The following AREL1 variants were observed in gnomAD, a reference collection of about 807,000 sequenced individuals.
AREL1 encodes the protein apoptosis-resistant E3 ubiquitin protein ligase 1.
In AREL1, 62 loss-of-function variants were observed where a neutral mutation model predicts 99.0. The observed-to-expected ratio is 0.63, with a 90% CI of 0.51 to 0.77. AREL1 has a LOEUF of 0.77. AREL1 is among the 30% of genes least tolerant of loss of function. The pLI, the probability that AREL1 is intolerant of heterozygous loss-of-function variation, is 0.00. For synonymous variants in AREL1, 380 were observed against 376.5 expected (o/e 1.01, Z -0.11); for missense variants, 879 against 1,027.6 (o/e 0.86, Z 1.98).
At chr14:74,679,723 G>A (rs1229039770) in intron 5 of AREL1, among the ~76,000 whole-genome samples, 1 of 152,124 alleles carries the variant, frequency 6.6e-6, no homozygotes, top group Non-Finnish European at 1.5e-5. Flanking sequence ...AGCTACTTGG[G>A]AGGCTGAGGC....
intron 5 of AREL1, 118 bp from the exon 6 acceptor site, chr14:74,676,870 C>G (rs527869086): frequency 6.2e-6 from 5 of 808,500 alleles, no homozygotes; most frequent in South Asian, 2.9e-5. Flanking sequence ...AATCTCGGCT[C>G]ACTGCAAGCT....
intron 1 of AREL1, chr14:74,711,905 C>T (rs191507417): frequency 6.6e-6 from 1 of 151,964 alleles, no homozygotes; most frequent in Non-Finnish European, 1.5e-5. Context: ...ATACAATGGT[C>T]ACCTTCTTTT....
intron 4 of AREL1, 62 bp from the exon 5 acceptor site, chr14:74,683,595 G>C (rs2089683091): frequency 2.7e-6 from 4 of 1,484,966 alleles, no homozygotes; most frequent in Non-Finnish European, 1.9e-6. Flanking sequence ...TTCCTGTGTA[G>C]AGTGAGTGGG....
chr14:74,700,622 C>CA (rs911857767), intron 1 of AREL1, among the ~76,000 whole-genome samples: 11 of 151,782 alleles, frequency 7.2e-5, no homozygotes, highest in Middle Eastern at 3.4e-3. Flanking sequence ...ACTAAATATA[C>CA]AAAAAAAATT....
chr14:74,667,264 T>C, intron 17 of AREL1, 55 bp downstream of exon 17: 6 of 1,607,516 alleles, frequency 3.7e-6, no homozygotes, highest in Non-Finnish European at 5.1e-6. Flanking sequence ...AGCTGGTTCC[T>C]GTAAGCTACA....
At chr14:74,709,846 C>T (rs967743693) in intron 1 of AREL1, among the ~76,000 whole-genome samples, 1 of 152,194 alleles carries the variant, frequency 6.6e-6, no homozygotes, top group Non-Finnish European at 1.5e-5. Context: ...AGGAGTCTTT[C>T]ATTATCCAGA....
At chr14:74,665,275 T>C (rs1243816871) in intron 17 of AREL1, among the ~76,000 whole-genome samples, 5 of 150,212 alleles carry the variant, frequency 3.3e-5, no homozygotes, top group South Asian at 2.1e-4. Context: ...CTTTTCTTTT[T>C]TTTTTTTTTT....
chr14:74,701,858 G>T (rs541712058), intron 1 of AREL1: 1 of 152,364 alleles, frequency 6.6e-6, no homozygotes, highest in Non-Finnish European at 1.5e-5. Flanking sequence ...CCAAATGGGA[G>T]AAATTGGCCA....
intron 2 of AREL1, among the ~76,000 whole-genome samples, chr14:74,691,758 A>G (rs1160377842): frequency 6.6e-6 from 1 of 152,224 alleles, no homozygotes; most frequent in Non-Finnish European, 1.5e-5. Context: ...TGATTAACAT[A>G]CATATTCTAA....
At chr14:74,692,694 C>T (rs949594465) in intron 1 of AREL1, among the ~76,000 whole-genome samples, 1 of 151,978 alleles carries the variant, frequency 6.6e-6, no homozygotes, top group African/African-American at 2.4e-5. Context: ...GAATTAGACA[C>T]AGTTTTTTTG....
chr14:74,670,707 T>A (rs1158985279), intron 13 of AREL1, 55 bp downstream of exon 13: 7 of 1,470,672 alleles, frequency 4.8e-6, no homozygotes, highest in Non-Finnish European at 5.7e-6. Flanking sequence ...GAATCCTTGT[T>A]AGTCTACCCA....
intron 1 of AREL1, among the ~76,000 whole-genome samples, chr14:74,697,778 G>C (rs1044125394): frequency 2.0e-5 from 3 of 152,144 alleles, no homozygotes; most frequent in African/African-American, 7.2e-5. Flanking sequence ...TAGTCAGCAG[G>C]ATGAACTCAC....
At chr14:74,682,071 G>A (rs1288050182) in intron 5 of AREL1, among the ~76,000 whole-genome samples, 2 of 152,162 alleles carry the variant, frequency 1.3e-5, no homozygotes, top group Non-Finnish European at 2.9e-5. Context: ...GGTATGAGCT[G>A]TTCTCCACTG....
intron 3 of AREL1, among the ~76,000 whole-genome samples, chr14:74,685,389 A>C (rs1379031709): frequency 6.6e-6 from 1 of 152,086 alleles, no homozygotes; most frequent in Non-Finnish European, 1.5e-5. Flanking sequence ...TCAACTTTAG[A>C]CTCCACAGTA....
In AREL1 at chr14:74,701,763, C is replaced by T. The variant is rs545600245; in HGVS notation, c.-333-9435G>A. ...TCATCTGAGACAAGGCAAGTCCCTT[C>T]TGCCTATGACCCTGTAAAATCAAAA... is the stretch of plus-strand genomic sequence containing the variant. On this transcript the variant is annotated intron_variant, in intron 1 of 19. Coordinates refer to ENST00000356357, the MANE Select transcript of AREL1 (RefSeq NM_001039479.2). 7 of 152,344 alleles carry T rather than the reference C, an allele frequency of 4.6e-5. No homozygotes were observed. In the East Asian group the frequency reaches 1.3e-3, roughly 29 times the overall value. The allele number at this position is 152,344 out of a possible 1,614,324, so 9.4% of individuals were successfully genotyped here.
At chr14:74,706,064 C>T (rs2139989903) in intron 1 of AREL1, among the ~76,000 whole-genome samples, 1 of 152,290 alleles carries the variant, frequency 6.6e-6, no homozygotes, top group South Asian at 2.1e-4. Flanking sequence ...ATACTAGCTT[C>T]AGTTTCCTCT....
chr14:74,686,414 C>T (rs568327443), intron 2 of AREL1, among the ~76,000 whole-genome samples: 1 of 152,150 alleles, frequency 6.6e-6, no homozygotes, highest in African/African-American at 2.4e-5. Flanking sequence ...TCATGTGAAC[C>T]AATAAAAGTA....
chr14:74,712,923 GA>G lies in AREL1; in HGVS notation c.-334+9del, dbSNP rs1412064578. Reference sequence around the variant, plus strand: ...TCTGGGCTCTGCCTAAGGCTGGAGAGAAACGTTACCCGAGCCGGGGGTTGCA... The same window carrying G: ...TCTGGGCTCTGCCTAAGGCTGGAGAGAACGTTACCCGAGCCGGGGGTTGCA... On this transcript the variant is annotated intron_variant, in intron 1 of 19. Coordinates refer to ENST00000356357, the MANE Select transcript of AREL1 (RefSeq NM_001039479.2). 1.5e-6 allele frequency: 1 copy of G among 667,372 alleles called. No homozygotes were observed. The highest frequency in any genetic ancestry group is 2.7e-6 in the Non-Finnish European group (1 of 363,682). The allele number at this position is 667,372 out of a possible 1,614,324, so 41.3% of individuals were successfully genotyped here.
chr14:74,675,179 C>T (rs1256873648), intron 8 of AREL1, among the ~76,000 whole-genome samples: 1 of 152,174 alleles, frequency 6.6e-6, no homozygotes, highest in African/African-American at 2.4e-5. Flanking sequence ...ACCATCACCC[C>T]TAGTCCAAAT....
Sources: gnomAD v4.1 joint callset for allele counts (sites outside exome capture counted in the v4.1 genomes callset) on GRCh38, gnomAD v4.1.1 for gene constraint, MANE v1.5 for transcripts, NCBI Gene and HGNC (gene_info 2026-07-23, HGNC 2026-07-21) for gene names.